Variants in UBASH3B observed in about 807,000 individuals in gnomAD.
UBASH3B encodes the protein ubiquitin-associated and SH3 domain-containing protein B.
Under a neutral mutation model 83.4 loss-of-function variants are expected in UBASH3B, and 37 were observed. That is an observed-to-expected ratio of 0.44 (90% CI 0.34 to 0.58). UBASH3B has a LOEUF of 0.58. Among genes scored for constraint, UBASH3B ranks in the 20% least tolerant of loss-of-function variants. The pLI, the probability that UBASH3B is intolerant of heterozygous loss-of-function variation, is 0.01. For synonymous variants in UBASH3B, 304 were observed against 318.3 expected, an observed-to-expected ratio of 0.96 and a Z score of 0.48; for missense variants, 657 against 827.2, an observed-to-expected ratio of 0.79 and a Z score of 2.52.
chr11:122,710,037 TC>T (rs1864171198), intron 1 of UBASH3B, among the ~76,000 whole-genome samples: 2 of 150,852 alleles, frequency 1.3e-5, no homozygotes, highest in Non-Finnish European at 2.9e-5. Context: ...GCACCTATAA[TC>T]CTAGCTACTT....
chr11:122,794,038 A>C (rs972105535), intron 6 of UBASH3B, among the ~76,000 whole-genome samples: 1 of 152,184 alleles, frequency 6.6e-6, no homozygotes, highest in African/African-American at 2.4e-5. Flanking sequence ...TTTGAACCAG[A>C]AAAATAGCTG....
chr11:122,675,403 G>A (rs759156295), intron 1 of UBASH3B, among the ~76,000 whole-genome samples: 2 of 152,218 alleles, frequency 1.3e-5, no homozygotes, highest in Non-Finnish European at 2.9e-5. Context: ...GAAAGGTGAC[G>A]CGGATGCTCA....
At chr11:122,715,995 C>T (rs1428296703) in intron 1 of UBASH3B, among the ~76,000 whole-genome samples, 1 of 152,180 alleles carries the variant, frequency 6.6e-6, no homozygotes. Context: ...TTTCTTTGTC[C>T]CTGTTTCAGC....
At chr11:122,660,866 A>G (rs10750217) in intron 1 of UBASH3B, among the ~76,000 whole-genome samples, 58,744 of 151,974 alleles carry the variant, frequency 0.39, 11,540 homozygotes, top group African/African-American at 0.43. Context: ...TGTGGCAGGG[A>G]TCAAAGGTCC....
intron 1 of UBASH3B, among the ~76,000 whole-genome samples, chr11:122,694,476 C>G (rs116652125): frequency 6.6e-6 from 1 of 152,058 alleles, no homozygotes; most frequent in African/African-American, 2.4e-5. Context: ...GGGAGGATCG[C>G]TTGAGCCTGA....
At chr11:122,676,856 G>C (rs527726030) in intron 1 of UBASH3B, among the ~76,000 whole-genome samples, 1 of 152,220 alleles carries the variant, frequency 6.6e-6, no homozygotes, top group African/African-American at 2.4e-5. Context: ...CCGCCCCCAG[G>C]CTCTTCTGTG....
In UBASH3B at chr11:122,779,705, C is replaced by CA; in HGVS notation, c.601+11dup. 1 of 1,614,130 alleles carries CA rather than the reference C, an allele frequency of 6.2e-7. No individual in the cohort carries two copies. The highest frequency in any genetic ancestry group is 8.5e-7 in the Non-Finnish European group (1 of 1,180,014). The stretch of plus-strand genomic sequence containing the variant: ...GCTGCATCCAAAACCGGTGAGCAAA[C>CA]AGCTGCCAGGCCAGCCCTGGGCCCT... On this transcript the variant is annotated intron_variant, in intron 4 of 13. Transcript: ENST00000284273.
chr11:122,813,745 T>G lies in UBASH3B; in HGVS notation c.*3859T>G, dbSNP rs1861492140. On this transcript the variant is annotated 3_prime_UTR_variant, in exon 14 of 14. Transcript: ENST00000284273. ...TACAAAGGTGATGGGGGATATTTTG[T>G]TAGGTGATAGCAGAAGCTTTTCATT... is the stretch of plus-strand genomic sequence containing the variant. 6.6e-6 allele frequency: 1 copy of G among 152,212 alleles called. No individual in the cohort carries two copies. 9.4% of individuals were successfully genotyped at this position (152,212 alleles called of 1,614,324 possible). A position where few individuals can be genotyped will look rare whatever the true frequency, so the allele number is the denominator to read the frequency against.
In UBASH3B at chr11:122,794,790, C is replaced by T. The variant is rs1861125809; in HGVS notation, c.1069C>T (p.Leu357Phe). ...LERRPYEDQGLGETTPLTIIC... is the reference protein window; with the variant it reads ...LERRPYEDQGFGETTPLTIIC... ...GAGGCGGCCTTATGAGGACCAGGGG[C>T]TCGGGGAGACGACTCCTCTTACTAT... The change falls in exon 7 of 14, where the codon CTC (leucine) becomes TTC (phenylalanine). Residue 357 changes from leucine to phenylalanine, a missense_variant. This residue lies in a region of UBASH3B where 573 missense variants were observed against 739.0 expected (regional missense o/e 0.78). Coordinates refer to ENST00000284273, the MANE Select transcript of UBASH3B (RefSeq NM_032873.5). 1 of 1,614,058 alleles carries T rather than the reference C, an allele frequency of 6.2e-7. No homozygotes were observed. The highest frequency in any genetic ancestry group is 8.5e-7 in the Non-Finnish European group (1 of 1,180,010).
At chr11:122,778,590 A>ATTTTTTTTTTTTTTT (rs138539169) in intron 3 of UBASH3B, among the ~76,000 whole-genome samples, 21 of 118,076 alleles carry the variant, frequency 1.8e-4, no homozygotes, top group African/African-American at 3.5e-4. Context: ...GAGAACTTTG[A>ATTTTTTTTTTTTTTT]TTTTTTTTTT....
intron 6 of UBASH3B, among the ~76,000 whole-genome samples, chr11:122,792,539 G>A (rs970526071): frequency 1.3e-5 from 2 of 151,966 alleles, no homozygotes; most frequent in African/African-American, 4.8e-5. Context: ...GGCTGGTCTT[G>A]AACTCCTAAC....
At chr11:122,663,722 C>T (rs1863478460) in intron 1 of UBASH3B, among the ~76,000 whole-genome samples, 1 of 152,238 alleles carries the variant, frequency 6.6e-6, no homozygotes, top group African/African-American at 2.4e-5. Flanking sequence ...CCATCATTAT[C>T]TGCCCCATCC....
chr11:122,716,800 G>T (rs1055496587), intron 1 of UBASH3B, among the ~76,000 whole-genome samples: 2 of 152,056 alleles, frequency 1.3e-5, no homozygotes, highest in African/African-American at 4.8e-5. Context: ...AGCAGACCAG[G>T]CTAAAGAGGG....
At chr11:122,731,363 T>TC (rs1860841376) in intron 1 of UBASH3B, among the ~76,000 whole-genome samples, 1 of 152,328 alleles carries the variant, frequency 6.6e-6, no homozygotes, top group East Asian at 1.9e-4. Context: ...TTGAGAACTT[T>TC]CACCTTTTCA....
intron 5 of UBASH3B, among the ~76,000 whole-genome samples, chr11:122,785,991 A>G (rs77910472): frequency 1.1e-4 from 17 of 152,270 alleles, no homozygotes; most frequent in Non-Finnish European, 2.4e-4. Flanking sequence ...CCATTGTAGT[A>G]AGGAGGAAAA....
At chr11:122,801,062 A>T in intron 10 of UBASH3B, 126 bp from the exon 11 acceptor site, 1 of 1,186,178 alleles carries the variant, frequency 8.4e-7, no homozygotes, top group Non-Finnish European at 1.2e-6. Context: ...ACATGCTTCC[A>T]TTTCTGTTTA....
intron 1 of UBASH3B, among the ~76,000 whole-genome samples, chr11:122,661,139 G>A (rs74509028): frequency 0.018 from 2,786 of 152,294 alleles, 89 homozygotes; most frequent in African/African-American, 0.063. Context: ...GGTGTCTGGC[G>A]AGGATTTACG....
chr11:122,803,895 C>T, intron 11 of UBASH3B, among the ~76,000 whole-genome samples: 1 of 151,984 alleles, frequency 6.6e-6, no homozygotes, highest in African/African-American at 2.4e-5. Context: ...ACAGGGCCTG[C>T]AGGTGTGGCT....
intron 10 of UBASH3B, among the ~76,000 whole-genome samples, chr11:122,799,326 A>G (rs1472196651): frequency 6.6e-6 from 1 of 152,136 alleles, no homozygotes; most frequent in South Asian, 2.1e-4. Context: ...CGTCTCTAGT[A>G]AAAATACAAA....
Sources: allele counts gnomAD v4.1 joint callset (sites outside exome capture counted in the v4.1 genomes callset), GRCh38; gene constraint gnomAD v4.1.1; regional missense constraint gnomAD v4.1.1; transcripts MANE v1.5; gene names NCBI Gene and HGNC (gene_info 2026-07-23, HGNC 2026-07-21).